SYN3: variants seen among roughly 807,000 people sequenced by gnomAD.
SYN3 encodes the protein synapsin III, also known as synapsin-3.
A neutral mutation model predicts 65.8 loss-of-function variants in SYN3; 35 were observed. The ratio of observed to expected loss-of-function variants is 0.53; its 90% CI spans 0.41 to 0.70. The LOEUF is 0.70. SYN3 is among the 30% of genes least tolerant of loss of function. The probability of loss-of-function intolerance (pLI) is 0.00; values close to 1 mark genes in which losing one functional copy is unlikely to be tolerated. For synonymous variants in SYN3, 270 were observed against 292.9 expected (o/e 0.92, Z 0.80); for missense variants, 680 against 749.0 (o/e 0.91, Z 1.08).
In SYN3 at chr22:32,871,374, C is replaced by A. The variant is rs896169505; in HGVS notation, c.462-2249G>T. Among the ~76,000 whole-genome samples, 14 of 152,206 alleles carry A rather than the reference C, an allele frequency of 9.2e-5. 1 individual carries two copies. Among genetic ancestry groups the A allele is most frequent in the South Asian group, 4.1e-4 (2 of 4,830 alleles). ...TCCAAAACTCACCTCTAAATCAGAA[C>A]CTTTCTGATTCCTCAAAATAAAAGT... is the stretch of plus-strand genomic sequence containing the variant. On this transcript the variant is annotated intron_variant, in intron 4 of 13. Coordinates refer to ENST00000358763, the MANE Select transcript of SYN3 (RefSeq NM_003490.4).
chr22:32,769,179 C>T (rs2045703188), intron 6 of SYN3, among the ~76,000 whole-genome samples: 1 of 152,148 alleles, frequency 6.6e-6, no homozygotes, highest in Admixed American at 6.5e-5. Flanking sequence ...CCTATATTCA[C>T]CATCAATTAC....
chr22:32,992,474 T>C (rs540086096), intron 2 of SYN3, among the ~76,000 whole-genome samples: 104 of 152,298 alleles, frequency 6.8e-4, no homozygotes, highest in African/African-American at 2.4e-3. Context: ...ATGAAACAAG[T>C]CCTCTAGCTT....
intron 6 of SYN3, among the ~76,000 whole-genome samples, chr22:32,795,983 G>A (rs528785986): frequency 1.3e-5 from 2 of 152,226 alleles, no homozygotes; most frequent in South Asian, 4.2e-4. Flanking sequence ...CCCTCCCAAG[G>A]CATGACAGCA....
chr22:32,738,796 GA>G (rs1258845260), intron 6 of SYN3, among the ~76,000 whole-genome samples: 4 of 152,360 alleles, frequency 2.6e-5, no homozygotes, highest in Non-Finnish European at 1.5e-5. Context: ...CAGTGTAGCT[GA>G]AACACAAAGT....
chr22:32,935,306 TCTCA>T (rs959682775), intron 3 of SYN3, among the ~76,000 whole-genome samples: 37 of 144,966 alleles, frequency 2.6e-4, no homozygotes, highest in East Asian at 3.9e-4. Flanking sequence ...TCTCTCTCTC[TCTCA>T]CACACACACA....
At chr22:32,577,539 T>A (rs1036221767) in intron 7 of SYN3, among the ~76,000 whole-genome samples, 1 of 152,198 alleles carries the variant, frequency 6.6e-6, no homozygotes, top group African/African-American at 2.4e-5. Flanking sequence ...TAAATGAAAA[T>A]ATCATTGGAG....
intron 6 of SYN3, among the ~76,000 whole-genome samples, chr22:32,602,000 G>T (rs1170663472): frequency 6.6e-6 from 1 of 151,246 alleles, no homozygotes; most frequent in African/African-American, 2.4e-5. Flanking sequence ...AATGACCAGA[G>T]AAATTCAAGA....
intron 2 of SYN3, among the ~76,000 whole-genome samples, chr22:32,986,456 G>A (rs924010895): frequency 2.6e-5 from 4 of 152,186 alleles, no homozygotes; most frequent in Admixed American, 2.6e-4. Context: ...ACGGACTGGG[G>A]CTGAAGCTGA....
At chr22:32,879,576 T>C (rs2049072947) in intron 4 of SYN3, among the ~76,000 whole-genome samples, 1 of 152,182 alleles carries the variant, frequency 6.6e-6, no homozygotes, top group Admixed American at 6.5e-5. Flanking sequence ...ATTAATCCCA[T>C]CCATGAAAAC....
intron 6 of SYN3, among the ~76,000 whole-genome samples, chr22:32,676,419 C>T (rs1473647033): frequency 6.6e-6 from 1 of 151,950 alleles, no homozygotes; most frequent in Non-Finnish European, 1.5e-5. Flanking sequence ...TGCAGAAGCC[C>T]GGAGGTGTGT....
chr22:32,701,954 T>C (rs2060815723), intron 6 of SYN3, among the ~76,000 whole-genome samples: 1 of 152,210 alleles, frequency 6.6e-6, no homozygotes, highest in African/African-American at 2.4e-5. Context: ...AAAACCATAC[T>C]GAGGAACTTA....
At chr22:32,931,136 C>A (rs969759624) in intron 4 of SYN3, 1 of 392,410 alleles carries the variant, frequency 2.5e-6, no homozygotes, top group South Asian at 3.5e-5. Flanking sequence ...CAGAGCAGAG[C>A]CTCAAAGCCA....
intron 6 of SYN3, among the ~76,000 whole-genome samples, chr22:32,615,825 T>A (rs1300996654): frequency 6.6e-6 from 1 of 152,200 alleles, no homozygotes; most frequent in Non-Finnish European, 1.5e-5. Flanking sequence ...ACAGCACGGC[T>A]GGGCCAGAGG....
intron 6 of SYN3, among the ~76,000 whole-genome samples, chr22:32,717,490 G>T (rs2061054890): frequency 6.6e-6 from 1 of 152,154 alleles, no homozygotes; most frequent in Non-Finnish European, 1.5e-5. Flanking sequence ...GCTTCTCTGA[G>T]TTGTCAGCCA....
chr22:32,791,020 G>A (rs1374529163), intron 6 of SYN3, among the ~76,000 whole-genome samples: 2 of 152,184 alleles, frequency 1.3e-5, no homozygotes, highest in African/African-American at 2.4e-5. Context: ...AGTGCAGGAT[G>A]GGACGCTGAA....
intron 6 of SYN3, among the ~76,000 whole-genome samples, chr22:32,631,754 G>A (rs531575905): frequency 1.3e-5 from 2 of 152,244 alleles, no homozygotes; most frequent in East Asian, 1.9e-4. Flanking sequence ...AAGATTTTCC[G>A]CTTTACAGAT....
At chr22:33,021,780 A>C (rs1331294824) in intron 1 of SYN3, among the ~76,000 whole-genome samples, 2 of 72,872 alleles carry the variant, frequency 2.7e-5, no homozygotes, top group African/African-American at 1.1e-4. Flanking sequence ...ATATACTGTA[A>C]CTTATTTTTT....
chr22:32,883,494 G>A (rs1053102491), intron 4 of SYN3, among the ~76,000 whole-genome samples: 1 of 151,382 alleles, frequency 6.6e-6, no homozygotes, highest in South Asian at 2.1e-4. Flanking sequence ...TTAGTGGCTC[G>A]CCAATCTTGG....
intron 6 of SYN3, among the ~76,000 whole-genome samples, chr22:32,628,703 A>G (rs927353346): frequency 4.6e-5 from 7 of 152,004 alleles, no homozygotes; most frequent in Admixed American, 3.3e-4. Flanking sequence ...AGCTGAGATC[A>G]TGCCATCGCA....
Sources: gnomAD v4.1 joint callset for allele counts (sites outside exome capture counted in the v4.1 genomes callset) on GRCh38, gnomAD v4.1.1 for gene constraint, MANE v1.5 for transcripts, NCBI Gene and HGNC (gene_info 2026-07-23, HGNC 2026-07-21) for gene names.